Variants in PCLO observed in about 807,000 individuals in gnomAD.
The protein encoded by PCLO is protein piccolo.
Under a neutral mutation model 427.5 loss-of-function variants are expected in PCLO, and 82 were observed. The observed-to-expected ratio is 0.19, with a 90% CI of 0.16 to 0.23. The LOEUF (loss-of-function observed/expected upper bound fraction) is 0.23. PCLO is among the 10% of genes least tolerant of loss of function. The probability of loss-of-function intolerance (pLI) is 1.00; values close to 1 mark genes in which losing one functional copy is unlikely to be tolerated. For synonymous variants in PCLO, 2,357 were observed against 2,155.4 expected (o/e 1.09, Z -2.59); for missense variants, 6,239 against 6,115.9 (o/e 1.02, Z -0.67).
In PCLO at chr7:82,826,575, A is replaced by T. The variant is rs1194797302; in HGVS notation, c.14415+14T>A. On this transcript the variant is annotated intron_variant, in intron 18 of 24. Transcript: ENST00000333891. ...CCATAGCAGCAAATAAGGGAAAGGA[A>T]GTCAGAGGCTTACCTCCCCAAGGAA... The T allele has an allele frequency of 6.4e-7, 1 of 1,551,836 alleles. No individual in the cohort carries two copies. Among genetic ancestry groups the T allele is most frequent in the Admixed American group, 1.7e-5 (1 of 58,660 alleles).
intron 6 of PCLO, among the ~76,000 whole-genome samples, chr7:82,933,919 A>G (rs1276584288): frequency 6.6e-6 from 1 of 151,916 alleles, no homozygotes; most frequent in Admixed American, 6.6e-5. Flanking sequence ...CTCTAATGAT[A>G]GAATGTCATA....
At chr7:82,939,076 A>G (rs1054601773) in intron 6 of PCLO, among the ~76,000 whole-genome samples, 1 of 152,052 alleles carries the variant, frequency 6.6e-6, no homozygotes, top group Admixed American at 6.6e-5. Flanking sequence ...GAACCTTTCC[A>G]TTCTTACAGC....
At position 82,914,738 on chromosome 7, in the gene PCLO, A is replaced by G. The variant is rs1213274808; in HGVS notation, c.13248T>C (p.Arg4416=). ...AGTCATCCATGATGAATGCTATGTCACGGTCATAGCCTCGAGTCCGTGATT... is the reference window on the plus strand; with the variant it reads ...AGTCATCCATGATGAATGCTATGTCGCGGTCATAGCCTCGAGTCCGTGATT... ...REESRTRGYD[R]DIAFIMDDFQ... Residue 4416 remains arginine (R), a synonymous_variant, in exon 7 of 25, where the codon CGT becomes CGC. Coordinates refer to ENST00000333891, the MANE Select transcript of PCLO (RefSeq NM_033026.6). The G allele has an allele frequency of 6.2e-7, 1 of 1,613,152 alleles. No homozygotes were observed. The highest frequency in any genetic ancestry group is 2.2e-5 in the East Asian group (1 of 44,720).
Position 82,966,140 on chromosome 7 carries a change from T to C in PCLO, c.3648A>G (p.Glu1216=), listed in dbSNP as rs781071703. The stretch of plus-strand genomic sequence containing the variant: ...CTTCTTCAGGGATTAGTTTTTTTTC[T>C]TCAGGGAGTGGCTTTTTTTCTTGAA... ...SALQEKKPLP[E]EKKLIPEEEK... The change falls in exon 4 of 25, where the codon GAA becomes GAG. Residue 1216 remains glutamate, a synonymous_variant. Coordinates refer to ENST00000333891, the MANE Select transcript of PCLO (RefSeq NM_033026.6). 10 of 1,606,484 alleles carry C rather than the reference T, an allele frequency of 6.2e-6. No homozygotes were observed. The highest frequency in any genetic ancestry group is 7.6e-6 in the Non-Finnish European group (9 of 1,178,120).
At chr7:82,881,104 T>G (rs1036999891) in intron 9 of PCLO, among the ~76,000 whole-genome samples, 9 of 152,104 alleles carry the variant, frequency 5.9e-5, no homozygotes, top group African/African-American at 2.2e-4. Flanking sequence ...AGGCTGAGTG[T>G]GGTGGCTCAT....
At chr7:82,843,651 T>TCCACAA (rs1156510573) in intron 13 of PCLO, among the ~76,000 whole-genome samples, 2 of 150,234 alleles carry the variant, frequency 1.3e-5, no homozygotes, top group African/African-American at 4.9e-5. Context: ...ATGTAGCCAT[T>TCCACAA]CCACAACGTA....
chr7:83,009,983 T>C (rs1270072985), intron 3 of PCLO, among the ~76,000 whole-genome samples: 1 of 151,952 alleles, frequency 6.6e-6, no homozygotes, highest in Non-Finnish European at 1.5e-5. Flanking sequence ...TTCTTTGACA[T>C]TTCTGGATAC....
At chr7:83,133,491 A>G (rs1220247773) in intron 3 of PCLO, among the ~76,000 whole-genome samples, 1 of 152,072 alleles carries the variant, frequency 6.6e-6, no homozygotes, top group Non-Finnish European at 1.5e-5. Context: ...TAACTATATT[A>G]GAAATTCGTC....
chr7:82,957,237 T>C (rs2115585040), intron 4 of PCLO, among the ~76,000 whole-genome samples: 1 of 152,298 alleles, frequency 6.6e-6, no homozygotes, highest in Admixed American at 6.5e-5. Flanking sequence ...ATTACTTTTC[T>C]CAATAAATTT....
intron 3 of PCLO, among the ~76,000 whole-genome samples, chr7:83,096,772 TTA>T (rs1790553783): frequency 8.2e-6 from 1 of 122,400 alleles, no homozygotes; most frequent in South Asian, 2.2e-4. Flanking sequence ...ATATTATATA[TTA>T]TATAATATAA....
intron 3 of PCLO, among the ~76,000 whole-genome samples, chr7:83,119,782 A>T (rs1181951592): frequency 6.6e-6 from 1 of 151,568 alleles, no homozygotes; most frequent in Non-Finnish European, 1.5e-5. Context: ...AAGCTTAACA[A>T]AATTCAAGAT....
Position 82,950,730 on chromosome 7 carries a change from TAAC to T in PCLO, c.9855_9857del (p.Leu3286del). On this transcript the variant is annotated inframe_deletion, in exon 6 of 25. Transcript: ENST00000333891. ...GCTCAAGCTGTAACTGTTGCTGAGC[TAAC>T]GTCTCCTGCCTCATCATGAACTGGG... 6.2e-7 allele frequency: 1 copy of T among 1,613,858 alleles called. No individual in the cohort carries two copies. The highest frequency in any genetic ancestry group is 8.5e-7 in the Non-Finnish European group (1 of 1,179,838).
Position 82,951,437 on chromosome 7 carries a change from G to T in PCLO, c.9151C>A (p.Gln3051Lys). 6.3e-7 allele frequency: 1 copy of T among 1,591,328 alleles called. No homozygotes were observed. Among genetic ancestry groups the T allele is most frequent in the East Asian group, 2.3e-5 (1 of 44,078 alleles). Residue 3051 changes from glutamine (Q) to lysine (K), a missense_variant, in exon 6 of 25, where the codon CAA becomes AAA. Gln to Lys is a moderately conservative substitution (Grantham distance 53). Transcript: ENST00000333891. ...CTAATCCCAGCTCCTGAAATGACTT[G>T]TCGTGTTTCTGGATATGGACCTGTA... Reference protein sequence around the residue: ...KTTGPYPETRQVISGAGISTP... With the variant: ...KTTGPYPETRKVISGAGISTP...
intron 6 of PCLO, among the ~76,000 whole-genome samples, chr7:82,934,827 C>T (rs1229578887): frequency 1.3e-5 from 2 of 151,402 alleles, no homozygotes; most frequent in Non-Finnish European, 3.0e-5. Flanking sequence ...TATGATAGCA[C>T]TTACATAAAA....
intron 4 of PCLO, among the ~76,000 whole-genome samples, chr7:82,958,296 CCTTCCTT>C (rs1411399324): frequency 5.3e-5 from 8 of 151,400 alleles, no homozygotes; most frequent in Non-Finnish European, 1.0e-4. Context: ...CTTCCTTCCT[CCTTCCTT>C]CTTCCTTCCT....
chr7:83,130,392 G>T (rs1366605096), intron 3 of PCLO, among the ~76,000 whole-genome samples: 2 of 152,122 alleles, frequency 1.3e-5, no homozygotes, highest in Non-Finnish European at 2.9e-5. Context: ...GGCCAGGCTG[G>T]TCTCAAACTC....
At chr7:83,024,289 T>C (rs1484035236) in intron 3 of PCLO, among the ~76,000 whole-genome samples, 1 of 152,156 alleles carries the variant, frequency 6.6e-6, no homozygotes, top group Non-Finnish European at 1.5e-5. Flanking sequence ...ATTGCCTCAC[T>C]CGGGAAGCGC....
chr7:83,010,737 A>G (rs910682749), intron 3 of PCLO, among the ~76,000 whole-genome samples: 1 of 151,858 alleles, frequency 6.6e-6, no homozygotes, highest in Non-Finnish European at 1.5e-5. Context: ...CACCTTAGTG[A>G]TATTTCCAAA....
At position 82,951,504 on chromosome 7, in the gene PCLO, C is replaced by T. The variant is rs1384844489; in HGVS notation, c.9098-14G>A. On this transcript the variant is annotated splice_polypyrimidine_tract_variant and intron_variant, in intron 5 of 24. Coordinates refer to ENST00000333891, the MANE Select transcript of PCLO (RefSeq NM_033026.6). Reference sequence around the variant, plus strand: ...CCATTACCTCACCTGAAATACAGGGCAGAGTTATAGTCCAGTTCCCAGAAT... The same window carrying T: ...CCATTACCTCACCTGAAATACAGGGTAGAGTTATAGTCCAGTTCCCAGAAT... The T allele has an allele frequency of 4.0e-6, 6 of 1,516,998 alleles. No individual in the cohort carries two copies. The highest frequency in any genetic ancestry group is 5.4e-6 in the Non-Finnish European group (6 of 1,115,710). 94.0% of individuals were successfully genotyped at this position (1,516,998 alleles called of 1,614,324 possible). A position where few individuals can be genotyped will look rare whatever the true frequency, so the allele number is the denominator to read the frequency against.
Sources: allele counts gnomAD v4.1 joint callset (sites outside exome capture counted in the v4.1 genomes callset), GRCh38; gene constraint gnomAD v4.1.1; transcripts MANE v1.5; gene names NCBI Gene and HGNC (gene_info 2026-07-23, HGNC 2026-07-21).